HEATR5A: variants seen among roughly 807,000 people sequenced by gnomAD.
HEATR5A encodes the protein HEAT repeat-containing protein 5A.
Under a neutral mutation model 218.8 loss-of-function variants are expected in HEATR5A, and 178 were observed. The observed-to-expected ratio is 0.81, with a 90% CI of 0.72 to 0.92. The LOEUF is 0.92. Among genes scored for constraint, HEATR5A ranks in the 40% least tolerant of loss-of-function variants. HEATR5A has a pLI of 0.00. For missense variants in HEATR5A, 2,420 were observed against 2,418.9 expected (o/e 1.00, Z -0.01); for synonymous variants, 864 against 871.6 (o/e 0.99, Z 0.15).
rs10602248 is a variant in HEATR5A, at chr14:31,350,760, TTTTGTTTGTTTG to T, written c.2412-55_2412-44del. Reference sequence around the variant, plus strand: ...AGGATTTAAAAGCAAGTAGGTAAGTTTTTGTTTGTTTGTTTGTTTGTTTGTTTGTTTGTTTGA... The same window carrying T: ...AGGATTTAAAAGCAAGTAGGTAAGTTTTTGTTTGTTTGTTTGTTTGTTTGA... On this transcript the variant is annotated intron_variant, in intron 16 of 35. Transcript: ENST00000543095. 2.6e-3 allele frequency: 1,742 copies of T among 681,160 alleles called. 33 individuals are homozygous for T. The highest frequency in any genetic ancestry group is 0.025 in the South Asian group (1,492 of 60,622). 42.2% of individuals were successfully genotyped at this position (681,160 alleles called of 1,614,324 possible).
intron 14 of HEATR5A, among the ~76,000 whole-genome samples, chr14:31,361,600 A>G (rs1901618643): frequency 1.3e-5 from 2 of 152,200 alleles, no homozygotes; most frequent in Non-Finnish European, 2.9e-5. Flanking sequence ...TGGAAAAAGT[A>G]CCTAAAAATA....
chr14:31,377,257 T>C (rs1902263212), intron 11 of HEATR5A, among the ~76,000 whole-genome samples: 1 of 151,794 alleles, frequency 6.6e-6, no homozygotes, highest in Non-Finnish European at 1.5e-5. Context: ...CAAAAACACA[T>C]TATCAAAGAA....
chr14:31,420,016 G>A (rs968127973), intron 1 of HEATR5A: 4 of 152,272 alleles, frequency 2.6e-5, no homozygotes, highest in African/African-American at 9.6e-5. Flanking sequence ...CCCGGCTCCT[G>A]GCTGACCACT....
At chr14:31,418,153 G>A (rs777190834) in intron 1 of HEATR5A, among the ~76,000 whole-genome samples, 7 of 151,966 alleles carry the variant, frequency 4.6e-5, no homozygotes, top group Non-Finnish European at 8.8e-5. Flanking sequence ...GCTTGCAAGT[G>A]AGCCAAGATC....
In HEATR5A at chr14:31,404,351, A is replaced by G. The variant is rs571929093; in HGVS notation, c.-74-1302T>C. Among the ~76,000 whole-genome samples, 204 of 152,336 alleles carry G rather than the reference A, an allele frequency of 1.3e-3. 1 individual carries two copies. The highest frequency in any genetic ancestry group is 4.8e-3 in the African/African-American group (199 of 41,588). On this transcript the variant is annotated intron_variant, in intron 1 of 35. Transcript: ENST00000543095. ...TTACATTTCCCTAAACAAACCTCAT[A>G]CTTTTACAGAGAAGCCAGTAACTAA...
At chr14:31,336,898 C>T (rs1900690519) in intron 22 of HEATR5A, among the ~76,000 whole-genome samples, 1 of 152,094 alleles carries the variant, frequency 6.6e-6, no homozygotes, top group Non-Finnish European at 1.5e-5. Context: ...GTGTACTTAC[C>T]CAAACCTAGA....
At chr14:31,380,616 C>T (rs1466452734) in intron 10 of HEATR5A, 38 bp from the exon 11 acceptor site, 1 of 1,330,004 alleles carries the variant, frequency 7.5e-7, no homozygotes, top group South Asian at 1.3e-5. Flanking sequence ...AAAAGCATAT[C>T]AGTTTATAAA....
At chr14:31,391,294 G>A (rs1031837170) in intron 6 of HEATR5A, among the ~76,000 whole-genome samples, 1 of 151,964 alleles carries the variant, frequency 6.6e-6, no homozygotes, top group African/African-American at 2.4e-5. Context: ...ATGCCACCAC[G>A]TCCCGCTAAT....
chr14:31,377,186 A>T (rs1365692718), intron 11 of HEATR5A, among the ~76,000 whole-genome samples: 2 of 151,920 alleles, frequency 1.3e-5, no homozygotes, highest in Non-Finnish European at 2.9e-5. Context: ...CTCCTTGGAG[A>T]AACGGCTGAT....
chr14:31,419,782 C>T (rs1269393693), intron 1 of HEATR5A, among the ~76,000 whole-genome samples: 1 of 152,206 alleles, frequency 6.6e-6, no homozygotes, highest in East Asian at 1.9e-4. Flanking sequence ...ACTTTATAAT[C>T]ACTTGAAATA....
rs1200209999 is a variant in HEATR5A, at chr14:31,296,051, T to C, written c.5477A>G (p.His1826Arg). The change falls in exon 34 of 36, where the codon CAC (histidine) becomes CGC (arginine). Residue 1826 changes from histidine (H) to arginine (R), a missense_variant. Coordinates refer to ENST00000543095, the MANE Select transcript of HEATR5A (RefSeq NM_015473.4). ...LDCWDPVDET[H>R]QELDEVSLLT... ...TAGACTGACTTCATCAAGTTCTTGG[T>C]GTGTTTCATCAACTAAAGAGAAATG... is the stretch of plus-strand genomic sequence containing the variant. The C allele has an allele frequency of 6.2e-7, 1 of 1,613,254 alleles. No individual in the cohort carries two copies. The highest frequency in any genetic ancestry group is 8.5e-7 in the Non-Finnish European group (1 of 1,179,454).
intron 22 of HEATR5A, among the ~76,000 whole-genome samples, chr14:31,330,250 T>C (rs1490025022): frequency 1.3e-5 from 2 of 152,192 alleles, no homozygotes; most frequent in African/African-American, 2.4e-5. Context: ...CCCAACACCA[T>C]GTAGAAGCTG....
intron 9 of HEATR5A, among the ~76,000 whole-genome samples, chr14:31,384,112 A>C (rs7148963): frequency 0.49 from 75,063 of 151,928 alleles, 19,734 homozygotes; most frequent in South Asian, 0.71. Flanking sequence ...TGGTACTAAA[A>C]ATTAAAAGTT....
chr14:31,379,683 G>A (rs2029904610), intron 11 of HEATR5A, among the ~76,000 whole-genome samples: 2 of 152,202 alleles, frequency 1.3e-5, no homozygotes, highest in Admixed American at 1.3e-4. Flanking sequence ...AAAGTTTTCA[G>A]TGGCTCATGC....
At chr14:31,389,137 A>G in intron 6 of HEATR5A, 132 bp from the exon 7 acceptor site, 1 of 757,024 alleles carries the variant, frequency 1.3e-6, no homozygotes, top group Non-Finnish European at 2.1e-6. Context: ...AATTTACAGA[A>G]CAGTCTACAC....
At chr14:31,414,744 T>A (rs2031390092) in intron 1 of HEATR5A, among the ~76,000 whole-genome samples, 1 of 152,196 alleles carries the variant, frequency 6.6e-6, no homozygotes, top group African/African-American at 2.4e-5. Context: ...TGTTCATGTC[T>A]CTTACATCCC....
Position 31,419,342 on chromosome 14 carries a change from T to C in HEATR5A, c.-75+1130A>G, listed in dbSNP as rs556724242. Among the ~76,000 whole-genome samples, 28 of 152,330 alleles carry C rather than the reference T, an allele frequency of 1.8e-4. 2 individuals are homozygous for C. In the South Asian group the frequency reaches 5.6e-3, roughly 30 times the overall value. On this transcript the variant is annotated intron_variant, in intron 1 of 35. Coordinates refer to ENST00000543095, the MANE Select transcript of HEATR5A (RefSeq NM_015473.4). ...CAAATCTCGGCTTCGATACTTTATCTAAAATTACTTTCTCAAAGACATACT... is the reference window on the plus strand; with the variant it reads ...CAAATCTCGGCTTCGATACTTTATCCAAAATTACTTTCTCAAAGACATACT...
intron 29 of HEATR5A, 129 bp downstream of exon 29, chr14:31,308,805 A>C: frequency 1.4e-6 from 1 of 690,454 alleles, no homozygotes; most frequent in South Asian, 2.5e-5. Context: ...TCAGTTGACA[A>C]TAATTGTGAG....
At chr14:31,299,842 C>T (rs1899309696) in intron 33 of HEATR5A, among the ~76,000 whole-genome samples, 1 of 150,974 alleles carries the variant, frequency 6.6e-6, no homozygotes, top group Non-Finnish European at 1.5e-5. Context: ...ACCAGCCTGA[C>T]CAACATGGTG....
Sources: gnomAD v4.1 joint callset for allele counts (sites outside exome capture counted in the v4.1 genomes callset) on GRCh38, gnomAD v4.1.1 for gene constraint, MANE v1.5 for transcripts, NCBI Gene and HGNC (gene_info 2026-07-23, HGNC 2026-07-21) for gene names.